The following RBMS1 variants were observed in gnomAD, a reference collection of about 807,000 sequenced individuals.
RBMS1 encodes the protein RNA-binding motif, single-stranded-interacting protein 1.
Under a neutral mutation model 62.3 loss-of-function variants are expected in RBMS1, and 17 were observed. The observed-to-expected ratio is 0.27, with a 90% CI of 0.19 to 0.41. RBMS1 has a LOEUF of 0.41. RBMS1 is among the 10% of genes least tolerant of loss of function. The pLI, the probability that RBMS1 is intolerant of heterozygous loss-of-function variation, is 1.00. For missense variants in RBMS1, 334 were observed against 504.5 expected (o/e 0.66, Z 3.24); for synonymous variants, 172 against 170.0 (o/e 1.01, Z -0.09).
In RBMS1 at chr2:160,485,117, T is replaced by C. The variant is rs577858634; in HGVS notation, c.75+8172A>G. Among the ~76,000 whole-genome samples, 12 of 152,232 alleles carry C rather than the reference T, an allele frequency of 7.9e-5. No homozygotes were observed. In the South Asian group the frequency reaches 2.5e-3, roughly 32 times the overall value. On this transcript the variant is annotated intron_variant, in intron 1 of 13. Transcript: ENST00000348849. ...CTCGGCTCTTAAAAGGAAAAGATTT[T>C]ATTTTAATTAGGGGGAAAAGGGAAC...
At chr2:160,356,025 T>C (rs1234646473) in intron 2 of RBMS1, among the ~76,000 whole-genome samples, 1 of 152,136 alleles carries the variant, frequency 6.6e-6, no homozygotes, top group East Asian at 1.9e-4. Context: ...ACAGCAAAAC[T>C]ATAATGTTCT....
rs1257704770 is a variant in RBMS1 at position 160,324,910 on chromosome 2, A to G, written c.252-6683T>C. Among the ~76,000 whole-genome samples, 746 of 131,306 alleles carry G rather than the reference A, an allele frequency of 5.7e-3. 11 individuals are homozygous for G. Among genetic ancestry groups the G allele is most frequent in the African/African-American group, 0.021 (690 of 33,636 alleles). 86.1% of individuals were successfully genotyped at this position (131,306 alleles called of 152,430 possible). ...TATATATATATATATATATATATAC[A>G]CACACACACACACACACACACACAC... On this transcript the variant is annotated intron_variant, in intron 2 of 13. Transcript: ENST00000348849.
intron 2 of RBMS1, among the ~76,000 whole-genome samples, chr2:160,359,637 A>AT (rs1693015700): frequency 6.6e-6 from 1 of 152,226 alleles, no homozygotes; most frequent in Non-Finnish European, 1.5e-5. Context: ...TGTTGGGCCC[A>AT]TTGCTCCTTT....
intron 1 of RBMS1, among the ~76,000 whole-genome samples, chr2:160,376,644 A>AT (rs932363695): frequency 9.3e-5 from 14 of 151,228 alleles, no homozygotes; most frequent in African/African-American, 2.9e-4. Context: ...ATCTTATTTT[A>AT]TTTTTTTAAG....
At chr2:160,443,561 C>G (rs959035877) in intron 1 of RBMS1, among the ~76,000 whole-genome samples, 5 of 151,872 alleles carry the variant, frequency 3.3e-5, no homozygotes, top group African/African-American at 9.7e-5. Flanking sequence ...CACCTCCCCC[C>G]ACCCCCACTC....
chr2:160,327,096 T>C (rs1316381496), intron 2 of RBMS1, among the ~76,000 whole-genome samples: 1 of 152,356 alleles, frequency 6.6e-6, no homozygotes, highest in East Asian at 1.9e-4. Context: ...TGATGAAGAC[T>C]GAATTACAGA....
At chr2:160,403,635 A>C (rs1230306965) in intron 1 of RBMS1, among the ~76,000 whole-genome samples, 1 of 152,216 alleles carries the variant, frequency 6.6e-6, no homozygotes, top group African/African-American at 2.4e-5. Context: ...AAGTACAACT[A>C]TTGGAGGGCA....
chr2:160,485,260 C>A (rs1290333304), intron 1 of RBMS1, among the ~76,000 whole-genome samples: 1 of 152,216 alleles, frequency 6.6e-6, no homozygotes, highest in Non-Finnish European at 1.5e-5. Context: ...TGTGACTTCA[C>A]AAGCTGCACC....
chr2:160,435,308 T>C (rs1399047732), intron 1 of RBMS1, among the ~76,000 whole-genome samples: 1 of 152,044 alleles, frequency 6.6e-6, no homozygotes, highest in African/African-American at 2.4e-5. Context: ...TTATGCCTTA[T>C]GTGTGGTCCC....
intron 1 of RBMS1, chr2:160,407,409 C>T (rs954269399): frequency 2.4e-5 from 24 of 985,788 alleles, no homozygotes; most frequent in Non-Finnish European, 2.8e-5. Flanking sequence ...AGCGCGGCCC[C>T]CTTTGTAACG....
rs371387888 is a variant in RBMS1 at position 160,303,349 on chromosome 2, G to A, written c.541C>T (p.Arg181Cys). The A allele has an allele frequency of 3.1e-6, 5 of 1,609,216 alleles. No individual in the cohort carries two copies. Among genetic ancestry groups the A allele is most frequent in the East Asian group, 2.2e-5 (1 of 44,540 alleles). The change falls in exon 5 of 14, where the codon CGT (arginine) becomes TGT (cysteine). Residue 181 changes from arginine (R) to cysteine (C), a missense_variant. Transcript: ENST00000348849. ...RILRDSSGTS[R>C]GVGFARMEST... ...GCTTACCTAGCAAAGCCAACACCAC[G>A]ACTTGTACCACTGGAATCACGTAGT...
At chr2:160,286,638 G>GA (rs929910708) in intron 7 of RBMS1, among the ~76,000 whole-genome samples, 3 of 151,922 alleles carry the variant, frequency 2.0e-5, no homozygotes, top group Admixed American at 2.0e-4. Context: ...CCCTGTTTCT[G>GA]AAAAAAACCA....
chr2:160,285,640 A>T (rs1005081900), intron 7 of RBMS1, among the ~76,000 whole-genome samples: 24 of 148,490 alleles, frequency 1.6e-4, no homozygotes, highest in Non-Finnish European at 3.1e-4. Flanking sequence ...AGTTTTAATT[A>T]AAAAAAAAAC....
intron 2 of RBMS1, among the ~76,000 whole-genome samples, chr2:160,340,273 A>C (rs1691800961): frequency 6.6e-6 from 1 of 151,984 alleles, no homozygotes; most frequent in Non-Finnish European, 1.5e-5. Context: ...ATTATTTGAA[A>C]ACATCTCTAA....
Position 160,493,409 on chromosome 2 carries a change from G to A in RBMS1, c.-46C>T. 1 of 1,588,612 alleles carries A rather than the reference G, an allele frequency of 6.3e-7. No homozygotes were observed. Among genetic ancestry groups the A allele is most frequent in the Non-Finnish European group, 8.6e-7 (1 of 1,157,918 alleles). On this transcript the variant is annotated 5_prime_UTR_variant, in exon 1 of 14. Transcript: ENST00000348849. ...CGTGCAGGGTCGCGGACACTTTGGG[G>A]TTTCCAAGTCTCGGGCTCTCCTGCC...
chr2:160,346,423 A>G (rs1692177202), intron 2 of RBMS1, among the ~76,000 whole-genome samples: 1 of 152,090 alleles, frequency 6.6e-6, no homozygotes, highest in Non-Finnish European at 1.5e-5. Context: ...TTGTTTATCA[A>G]AATGGTATAA....
At chr2:160,304,253 A>G (rs553415463) in intron 4 of RBMS1, among the ~76,000 whole-genome samples, 2 of 152,274 alleles carry the variant, frequency 1.3e-5, no homozygotes, top group East Asian at 3.9e-4. Context: ...TTTCCTACTT[A>G]AGCAGTGCTA....
At chr2:160,348,759 G>A (rs564070667) in intron 2 of RBMS1, among the ~76,000 whole-genome samples, 2 of 152,136 alleles carry the variant, frequency 1.3e-5, no homozygotes, top group Admixed American at 6.5e-5. Context: ...TAAATGTAAT[G>A]TGAATGATGA....
rs1398955014 is a variant in RBMS1, at chr2:160,321,147, G to C, written c.252-2920C>G. ...AAGACAGGAAAATGCATGGAGAAAG[G>C]GGAATGAGGAAGTAGGCAAAGAGAA... On this transcript the variant is annotated intron_variant, in intron 2 of 13. Transcript: ENST00000348849. Among the ~76,000 whole-genome samples the C allele has an allele frequency of 6.6e-5, 10 of 152,236 alleles. No individual in the cohort carries two copies. The South Asian group carries it at 1.5e-3, about 22-fold the overall frequency.
Sources: gnomAD v4.1 joint callset for allele counts (sites outside exome capture counted in the v4.1 genomes callset) on GRCh38, gnomAD v4.1.1 for gene constraint, MANE v1.5 for transcripts, NCBI Gene and HGNC (gene_info 2026-07-23, HGNC 2026-07-21) for gene names.